CACUL1: variants seen among roughly 807,000 people sequenced by gnomAD.
CACUL1 encodes CDK2 associated cullin domain 1, also known as CDK2-associated and cullin domain-containing protein 1.
In CACUL1, 13 loss-of-function variants were observed where a neutral mutation model predicts 45.2. The ratio of observed to expected loss-of-function variants is 0.29; its 90% CI spans 0.19 to 0.46. The LOEUF (loss-of-function observed/expected upper bound fraction) is 0.46. CACUL1 is among the 20% of genes least tolerant of loss of function. The probability of loss-of-function intolerance (pLI) is 1.00; values close to 1 mark genes in which losing one functional copy is unlikely to be tolerated. For missense variants in CACUL1, 421 were observed against 471.4 expected (o/e 0.89, Z 0.99); for synonymous variants, 197 against 174.2 (o/e 1.13, Z -1.03).
chr10:118,717,037 A>G (rs1845553668), intron 3 of CACUL1, among the ~76,000 whole-genome samples: 1 of 152,212 alleles, frequency 6.6e-6, no homozygotes, highest in South Asian at 2.1e-4. Flanking sequence ...AGGGACTGGT[A>G]ATGACGCAGA....
intron 4 of CACUL1, among the ~76,000 whole-genome samples, chr10:118,703,142 G>A (rs1228706242): frequency 6.6e-6 from 1 of 151,992 alleles, no homozygotes; most frequent in Non-Finnish European, 1.5e-5. Flanking sequence ...ATAAAAATAA[G>A]ATGCACATGG....
chr10:118,721,976 A>G (rs1255616934), intron 3 of CACUL1, among the ~76,000 whole-genome samples: 5 of 152,120 alleles, frequency 3.3e-5, no homozygotes, highest in Non-Finnish European at 5.9e-5. Flanking sequence ...AAGATTTTAT[A>G]TCCATCTATC....
At chr10:118,690,164 G>A (rs1019074013) in intron 7 of CACUL1, among the ~76,000 whole-genome samples, 43 of 152,092 alleles carry the variant, frequency 2.8e-4, no homozygotes, top group Non-Finnish European at 4.1e-4. Flanking sequence ...AGCCGGGCGC[G>A]GTGGCGGGCG....
At chr10:118,720,908 T>C (rs891542623) in intron 3 of CACUL1, among the ~76,000 whole-genome samples, 1 of 151,730 alleles carries the variant, frequency 6.6e-6, no homozygotes, top group African/African-American at 2.4e-5. Flanking sequence ...TAAGTTCTAG[T>C]AGAGAGGAAA....
chr10:118,719,821 A>T (rs1469467640), intron 3 of CACUL1, among the ~76,000 whole-genome samples: 2 of 152,194 alleles, frequency 1.3e-5, no homozygotes, highest in African/African-American at 4.8e-5. Flanking sequence ...CAAAAAAAAA[A>T]AAAGGAATTT....
intron 3 of CACUL1, among the ~76,000 whole-genome samples, chr10:118,725,987 G>A (rs1253562211): frequency 6.6e-6 from 1 of 152,148 alleles, no homozygotes; most frequent in East Asian, 1.9e-4. Context: ...CTTGACTGAG[G>A]CTGACGCCCT....
rs1243654082 is a variant in CACUL1, at chr10:118,749,503, A to G, written c.367+4893T>C. Among the ~76,000 whole-genome samples, 3 of 152,370 alleles carry G rather than the reference A, an allele frequency of 2.0e-5. No individual in the cohort carries two copies. In the East Asian group the frequency reaches 5.8e-4, roughly 29 times the overall value. On this transcript the variant is annotated intron_variant, in intron 1 of 8. Coordinates refer to ENST00000369151, the MANE Select transcript of CACUL1 (RefSeq NM_153810.5). ...AGGTCTCACCTAAGTGGCATAATGG[A>G]AAGCCATGTAACCTCACCTAAAACC...
intron 7 of CACUL1, among the ~76,000 whole-genome samples, chr10:118,691,037 CA>C (rs2119550247): frequency 6.6e-6 from 1 of 152,288 alleles, no homozygotes; most frequent in South Asian, 2.1e-4. Flanking sequence ...GAAAACGGAG[CA>C]AGACTCCATC....
intron 3 of CACUL1, among the ~76,000 whole-genome samples, chr10:118,724,679 A>G (rs1845636041): frequency 6.6e-6 from 1 of 152,208 alleles, no homozygotes; most frequent in South Asian, 2.1e-4. Context: ...AACCAATTAA[A>G]AGAATATTCC....
chr10:118,693,636 A>T, intron 6 of CACUL1: 2 of 428,208 alleles, frequency 4.7e-6, no homozygotes, highest in Non-Finnish European at 9.3e-6. Flanking sequence ...CTTGGGAGGC[A>T]GAATTTGTCA....
rs144026387 is a variant in CACUL1, at chr10:118,747,926, A to G, written c.367+6470T>C. ...ATGGTGAAACCCCATCCCTACTAAA[A>G]ACACAAAAATTAGCTAGGTGTGGTG... On this transcript the variant is annotated intron_variant, in intron 1 of 8. Coordinates refer to ENST00000369151, the MANE Select transcript of CACUL1 (RefSeq NM_153810.5). Among the ~76,000 whole-genome samples the G allele has an allele frequency of 5.6e-3, 849 of 152,204 alleles. 6 individuals are homozygous for G. Among genetic ancestry groups the G allele is most frequent in the African/African-American group, 0.02 (812 of 41,504 alleles).
In CACUL1 at chr10:118,676,997, TACA is replaced by T. The variant is rs944584696; in HGVS notation, c.*9128_*9130del. On this transcript the variant is annotated 3_prime_UTR_variant, in exon 9 of 9. Transcript: ENST00000369151. ...AGAAAAAATACTACTTTCTAGTTTT[TACA>T]ACATTTTTTTCTTTTTTAGTTCACA... 7.4e-4 allele frequency: 112 copies of T among 152,310 alleles called. No homozygotes were observed. The highest frequency in any genetic ancestry group is 2.5e-3 in the African/African-American group (105 of 41,564). The allele number at this position is 152,310 out of a possible 1,614,324, so 9.4% of individuals were successfully genotyped here.
At chr10:118,698,007 G>A (rs1455411798) in intron 5 of CACUL1, among the ~76,000 whole-genome samples, 3 of 152,196 alleles carry the variant, frequency 2.0e-5, no homozygotes, top group African/African-American at 7.2e-5. Flanking sequence ...AGAAGTCATT[G>A]TCTTCATTCA....
intron 3 of CACUL1, among the ~76,000 whole-genome samples, chr10:118,726,694 C>T (rs1425611867): frequency 6.6e-6 from 1 of 152,134 alleles, no homozygotes; most frequent in Non-Finnish European, 1.5e-5. Context: ...TACCTTACAC[C>T]TTAGTGTAAA....
At chr10:118,741,134 C>T (rs928672218) in intron 1 of CACUL1, among the ~76,000 whole-genome samples, 17 of 151,966 alleles carry the variant, frequency 1.1e-4, no homozygotes, top group Admixed American at 2.6e-4. Flanking sequence ...CTTTGAGTAA[C>T]GGGTCCAGGA....
intron 4 of CACUL1, among the ~76,000 whole-genome samples, chr10:118,705,594 T>C (rs11198568): frequency 0.011 from 1,719 of 152,300 alleles, 18 homozygotes; most frequent in Middle Eastern, 0.027. Context: ...AATTCCAAAA[T>C]TGTAAGCAAA....
intron 4 of CACUL1, among the ~76,000 whole-genome samples, chr10:118,704,442 T>C (rs1240842304): frequency 4.6e-5 from 7 of 152,184 alleles, no homozygotes; most frequent in Admixed American, 3.9e-4. Context: ...GTCAAATGCC[T>C]AGGCAGACAG....
chr10:118,719,156 A>C (rs1446803542), intron 3 of CACUL1, among the ~76,000 whole-genome samples: 1 of 152,214 alleles, frequency 6.6e-6, no homozygotes, highest in East Asian at 1.9e-4. Flanking sequence ...GAAAAATGGA[A>C]ACTATTTTTA....
chr10:118,729,805 C>T (rs1845682689), intron 2 of CACUL1, among the ~76,000 whole-genome samples: 1 of 152,212 alleles, frequency 6.6e-6, no homozygotes, highest in Admixed American at 6.5e-5. Flanking sequence ...AATACAACCT[C>T]TTTGTACATC....
Sources: allele counts gnomAD v4.1 joint callset (sites outside exome capture counted in the v4.1 genomes callset), GRCh38; gene constraint gnomAD v4.1.1; transcripts MANE v1.5; gene names NCBI Gene and HGNC (gene_info 2026-07-23, HGNC 2026-07-21).